Variants in COPG2 observed in about 807,000 individuals in gnomAD.
The protein encoded by COPG2 is coat protein complex I subunit gamma 2.
In COPG2, 37 loss-of-function variants were observed where a neutral mutation model predicts 46.3. The ratio of observed to expected loss-of-function variants is 0.80; its 90% CI spans 0.61 to 1.05. The LOEUF (loss-of-function observed/expected upper bound fraction) is 1.05, where lower values mean the gene tolerates loss of function less well. COPG2 is among the 50% of genes least tolerant of loss of function. COPG2 has a pLI of 0.00. For missense variants in COPG2, 427 were observed against 387.8 expected (o/e 1.10, Z -0.85); for synonymous variants, 159 against 129.7 (o/e 1.23, Z -1.53).
At chr7:130,558,783 A>G (rs1451796731) in intron 12 of COPG2, among the ~76,000 whole-genome samples, 1 of 152,118 alleles carries the variant, frequency 6.6e-6, no homozygotes, top group Non-Finnish European at 1.5e-5. Context: ...TGGCCTCCCA[A>G]AGTGCTGGGA....
In COPG2 at chr7:130,668,628, G is replaced by A. The variant is rs1554461988; in HGVS notation, c.37+4C>T. On this transcript the variant is annotated splice_donor_region_variant and intron_variant, in intron 1 of 23. Coordinates refer to ENST00000425248, the MANE Select transcript of COPG2 (RefSeq NM_012133.6). ...AGGGTGGGCCTCGGAAGCCCCGCGC[G>A]TACCAGACTCCTCGTCCTTCTTGTC... 1.4e-5 allele frequency: 21 copies of A among 1,534,312 alleles called. No individual in the cohort carries two copies. Among genetic ancestry groups the A allele is most frequent in the Non-Finnish European group, 1.8e-5 (20 of 1,142,670 alleles).
At chr7:130,511,953 G>GCCTGTAAT (rs1321213017) in intron 20 of COPG2, 1 of 457,540 alleles carries the variant, frequency 2.2e-6, no homozygotes, top group Non-Finnish European at 4.4e-6. Flanking sequence ...AGTGGCTCAC[G>GCCTGTAAT]CCTGTAATCC....
chr7:130,536,551 T>TTCCTCGGGGTCCTGCA (rs1799881347), intron 20 of COPG2, among the ~76,000 whole-genome samples: 1 of 152,160 alleles, frequency 6.6e-6, no homozygotes, highest in Non-Finnish European at 1.5e-5. Flanking sequence ...TCTGATAGGC[T>TTCCTCGGGGTCCTGCA]TCCTCGGGGT....
At chr7:130,541,535 G>C (rs1291900826) in intron 20 of COPG2, among the ~76,000 whole-genome samples, 1 of 152,110 alleles carries the variant, frequency 6.6e-6, no homozygotes, top group Non-Finnish European at 1.5e-5. Context: ...ATGAGGACGG[G>C]CAGAGAGCGA....
At chr7:130,510,867 A>C in intron 20 of COPG2, 1 of 514,666 alleles carries the variant, frequency 1.9e-6, no homozygotes, top group Non-Finnish European at 3.9e-6. Context: ...TTTCCATGGC[A>C]AGAAAATACT....
At chr7:130,549,184 C>T (rs1348059189) in intron 18 of COPG2, 130 bp downstream of exon 18, 8 of 396,232 alleles carry the variant, frequency 2.0e-5, no homozygotes, top group African/African-American at 1.2e-4. Context: ...AGCAACTATA[C>T]CCTATGGTGT....
chr7:130,521,328 A>T lies in COPG2; in HGVS notation c.2150-12669T>A, dbSNP rs1374148691. Among the ~76,000 whole-genome samples, 4 of 152,364 alleles carry T rather than the reference A, an allele frequency of 2.6e-5. No homozygotes were observed. In the South Asian group the frequency reaches 6.2e-4, roughly 24 times the overall value. On this transcript the variant is annotated intron_variant, in intron 20 of 23. Transcript: ENST00000425248. ...TAGCAACACATTCAGTGAAGTGGAC[A>T]TAAAACAAGGCAAGTGGCAGGCATC...
chr7:130,590,698 C>T (rs1483011730), intron 9 of COPG2, among the ~76,000 whole-genome samples: 4 of 151,924 alleles, frequency 2.6e-5, no homozygotes, highest in South Asian at 2.1e-4. Context: ...AAGTGAGGAG[C>T]GTCTCTGCCT....
chr7:130,530,877 G>C (rs1157857043), intron 20 of COPG2, among the ~76,000 whole-genome samples: 1 of 151,742 alleles, frequency 6.6e-6, no homozygotes, highest in Non-Finnish European at 1.5e-5. Context: ...TCCCAGAGTA[G>C]GAACAAAGGA....
At chr7:130,512,652 C>T (rs565778708) in intron 20 of COPG2, among the ~76,000 whole-genome samples, 3 of 151,814 alleles carry the variant, frequency 2.0e-5, no homozygotes, top group East Asian at 2.0e-4. Context: ...ATTAGCTGGG[C>T]GTAGTGGCAC....
In COPG2 at chr7:130,548,429, T is replaced by A. The variant is rs1793479628; in HGVS notation, c.1951A>T (p.Met651Leu). Residue 651 changes from methionine to leucine, a missense_variant, in exon 19 of 24, where the codon ATG becomes TTG. By Grantham distance (15) the Met-to-Leu change is conservative. Transcript: ENST00000425248. ...TEYFVRCIKHMFTNHIVFQFD... is the reference protein window; with the variant it reads ...TEYFVRCIKHLFTNHIVFQFD... ...TGGAACACGATGTGATTGGTAAACA[T>A]GTGCTTGATACATCGAACAAAATAT... 1 of 398,536 alleles carries A rather than the reference T, an allele frequency of 2.5e-6. No homozygotes were observed. The highest frequency in any genetic ancestry group is 4.4e-6 in the Non-Finnish European group (1 of 226,074). The allele number at this position is 398,536 out of a possible 1,614,324, so 24.7% of individuals were successfully genotyped here.
chr7:130,566,153 G>C (rs1228785289), intron 9 of COPG2, among the ~76,000 whole-genome samples: 1 of 152,204 alleles, frequency 6.6e-6, no homozygotes, highest in African/African-American at 2.4e-5. Context: ...ACATCAGAGT[G>C]AAACTGTTGA....
intron 9 of COPG2, among the ~76,000 whole-genome samples, chr7:130,566,927 T>C (rs1042606002): frequency 3.9e-4 from 60 of 152,244 alleles, no homozygotes; most frequent in African/African-American, 1.3e-3. Flanking sequence ...AGTTCTACCA[T>C]AAAGACACAG....
rs782715453 is a variant in COPG2, at chr7:130,610,978, G to A, written c.712C>T (p.Arg238Cys). 64 of 1,613,776 alleles carry A rather than the reference G, an allele frequency of 4.0e-5. No individual in the cohort carries two copies. Among genetic ancestry groups the A allele is most frequent in the Middle Eastern group, 3.3e-4 (2 of 6,084 alleles). The change falls in exon 9 of 24, where the codon CGC (arginine) becomes TGC (cysteine). Residue 238 changes from arginine (R) to cysteine (C), a missense_variant. Physicochemically the swap from Arg to Cys is radical, Grantham distance 180. Transcript: ENST00000425248. ...CCATCCTCAGTTTCTTTTAGTAAGC[G>A]ACTGGCAATTCGGATCAGCATGCAG... ...AYCMLIRIAS[R>C]LLKETEDGHE... is the part of the protein sequence containing the mutation.
intron 20 of COPG2, chr7:130,510,319 G>A (rs1799575438): frequency 6.3e-6 from 3 of 472,712 alleles, no homozygotes; most frequent in Admixed American, 4.8e-5. Flanking sequence ...AGAAAAGAAC[G>A]ACTGTGGTTT....
At chr7:130,638,343 G>A (rs1266652633) in intron 5 of COPG2, among the ~76,000 whole-genome samples, 1 of 152,146 alleles carries the variant, frequency 6.6e-6, no homozygotes, top group African/African-American at 2.4e-5. Context: ...CTTCCCCCAG[G>A]TGCTCTGTCC....
chr7:130,641,463 G>A (rs1257632395), intron 5 of COPG2, among the ~76,000 whole-genome samples: 4 of 152,182 alleles, frequency 2.6e-5, no homozygotes, highest in African/African-American at 9.7e-5. Flanking sequence ...GGATAAAATG[G>A]AGAAATCAAA....
At chr7:130,631,460 A>T (rs1353664018) in intron 5 of COPG2, among the ~76,000 whole-genome samples, 6 of 151,706 alleles carry the variant, frequency 4.0e-5, no homozygotes, top group African/African-American at 1.5e-4. Context: ...ACCTGGCCTG[A>T]ATTTTGTTCC....
chr7:130,578,945 C>A (rs1794074190), intron 9 of COPG2, among the ~76,000 whole-genome samples: 1 of 149,058 alleles, frequency 6.7e-6, no homozygotes, highest in African/African-American at 2.5e-5. Context: ...TCCAGCAGAA[C>A]TTCCCCAATC....
Sources: gnomAD v4.1 joint callset for allele counts (sites outside exome capture counted in the v4.1 genomes callset) on GRCh38, gnomAD v4.1.1 for gene constraint, MANE v1.5 for transcripts, NCBI Gene and HGNC (gene_info 2026-07-23, HGNC 2026-07-21) for gene names.